AGBL4: variants seen among roughly 807,000 people sequenced by gnomAD.
The protein encoded by AGBL4 is AGBL carboxypeptidase 4, also known as cytosolic carboxypeptidase 6.
A neutral mutation model predicts 66.4 loss-of-function variants in AGBL4; 58 were observed. The ratio of observed to expected loss-of-function variants is 0.87; its 90% confidence interval spans 0.71 to 1.09. The LOEUF is 1.09. AGBL4 is among the 50% of genes least tolerant of loss of function. The pLI is 0.00. For missense variants in AGBL4, 579 were observed against 631.0 expected, an observed-to-expected ratio of 0.92 and a Z score of 0.88; for synonymous variants, 234 against 222.9, an observed-to-expected ratio of 1.05 and a Z score of -0.44.
intron 4 of AGBL4, among the ~76,000 whole-genome samples, chr1:49,124,568 G>A (rs114100669): frequency 6.6e-6 from 1 of 152,140 alleles, no homozygotes. Flanking sequence ...ACAGGATCTG[G>A]ATTTGAAACC....
chr1:49,347,674 A>G (rs912010934), intron 3 of AGBL4, among the ~76,000 whole-genome samples: 1 of 151,626 alleles, frequency 6.6e-6, no homozygotes, highest in South Asian at 2.1e-4. Flanking sequence ...CCCGGCCAAC[A>G]TGGTGAAGCC....
chr1:49,263,950 A>C (rs1247233802), intron 3 of AGBL4, among the ~76,000 whole-genome samples: 5 of 152,220 alleles, frequency 3.3e-5, no homozygotes, highest in Admixed American at 2.6e-4. Flanking sequence ...TTGAGCATTT[A>C]AAATGAATGC....
In AGBL4 at chr1:49,391,171, G is replaced by A. The variant is rs373578587; in HGVS notation, c.283-145307C>T. The stretch of plus-strand genomic sequence containing the variant: ...AGCACAGTTGTAGCATACAATCAGC[G>A]TGAGAGATTGATCAGAAATGAGAAT... On this transcript the variant is annotated intron_variant, in intron 3 of 13. Coordinates refer to ENST00000371839, the MANE Select transcript of AGBL4 (RefSeq NM_032785.4). 3.9e-4 allele frequency among the ~76,000 whole-genome samples: 60 copies of A among 152,312 alleles called. 1 individual carries two copies. In the South Asian group the frequency reaches 1.0e-2, roughly 25 times the overall value.
rs564980432 is a variant in AGBL4, at chr1:49,747,166, T to C, written c.158-49729A>G. Among the ~76,000 whole-genome samples, 17 of 152,278 alleles carry C rather than the reference T, an allele frequency of 1.1e-4. No homozygotes were observed. In the South Asian group the frequency reaches 2.5e-3, roughly 22 times the overall value. On this transcript the variant is annotated intron_variant, in intron 2 of 13. Transcript: ENST00000371839. Reference sequence around the variant, plus strand: ...GATTCAGGAATAAATTAATATGATATTTTATTTTCACCTTCATATCAAGGA... The same window carrying C: ...GATTCAGGAATAAATTAATATGATACTTTATTTTCACCTTCATATCAAGGA...
At chr1:48,801,650 G>C (rs1645811401) in intron 6 of AGBL4, among the ~76,000 whole-genome samples, 1 of 152,204 alleles carries the variant, frequency 6.6e-6, no homozygotes, top group Non-Finnish European at 1.5e-5. Flanking sequence ...CAGTGGGGAT[G>C]TGTGTTTATA....
At chr1:49,118,193 T>C (rs916980246) in intron 4 of AGBL4, among the ~76,000 whole-genome samples, 18 of 152,192 alleles carry the variant, frequency 1.2e-4, no homozygotes, top group Admixed American at 6.5e-5. Context: ...CTTTTCCTAA[T>C]TGCATACCCT....
intron 3 of AGBL4, among the ~76,000 whole-genome samples, chr1:49,641,848 C>T (rs1486550486): frequency 6.6e-6 from 1 of 152,028 alleles, no homozygotes; most frequent in East Asian, 1.9e-4. Flanking sequence ...TAATTTAACA[C>T]TAACAAGCAC....
intron 3 of AGBL4, among the ~76,000 whole-genome samples, chr1:49,335,552 G>T (rs1645417290): frequency 6.6e-6 from 1 of 150,780 alleles, no homozygotes; most frequent in Non-Finnish European, 1.5e-5. Context: ...GTCTCGCTCT[G>T]TTGCCCAGCC....
intron 3 of AGBL4, among the ~76,000 whole-genome samples, chr1:49,453,993 C>T (rs1032856940): frequency 3.3e-5 from 5 of 151,604 alleles, no homozygotes; most frequent in South Asian, 4.2e-4. Flanking sequence ...AAAATTTATC[C>T]GGAGCTATTT....
rs1339756077 is a variant in AGBL4, at chr1:49,245,369, CATAATCTATGCTTAGGCTAGGAAAAA to C, written c.377+375_377+400del. On this transcript the variant is annotated intron_variant, in intron 4 of 13. Transcript: ENST00000371839. ...CCTAATGTCCTCCTAAGTTACTAAACATAATCTATGCTTAGGCTAGGAAAAAAAAAAAGAACCAACTTTATTTATGT... is the reference window on the plus strand; with the variant it reads ...CCTAATGTCCTCCTAAGTTACTAAACAAAAAAGAACCAACTTTATTTATGT... Among the ~76,000 whole-genome samples, 5 of 150,230 alleles carry C rather than the reference CATAATCTATGCTTAGGCTAGGAAAAA, an allele frequency of 3.3e-5. No homozygotes were observed. In the East Asian group the frequency reaches 9.8e-4, roughly 29 times the overall value.
intron 1 of AGBL4, among the ~76,000 whole-genome samples, chr1:50,012,114 G>A (rs1661585623): frequency 6.6e-6 from 1 of 150,582 alleles, no homozygotes; most frequent in Admixed American, 6.6e-5. Context: ...AGCGGAGATT[G>A]CGCCACTGCA....
chr1:49,660,812 G>C (rs1646254589), intron 3 of AGBL4, among the ~76,000 whole-genome samples: 1 of 152,136 alleles, frequency 6.6e-6, no homozygotes, highest in Non-Finnish European at 1.5e-5. Context: ...GGACATGGAT[G>C]GAGCTGGAAG....
chr1:48,586,601 T>G, intron 11 of AGBL4: 1 of 194,966 alleles, frequency 5.1e-6, no homozygotes, highest in Non-Finnish European at 1.1e-5. Flanking sequence ...CATATGTTTT[T>G]GTATGTTCAG....
At position 49,860,505 on chromosome 1, in the gene AGBL4, C is replaced by T. The variant is rs139108049; in HGVS notation, c.35-8987G>A. Among the ~76,000 whole-genome samples the T allele has an allele frequency of 6.5e-3, 984 of 152,232 alleles. 3 individuals carry two copies. Among genetic ancestry groups the T allele is most frequent in the Non-Finnish European group, 0.011 (716 of 68,024 alleles). On this transcript the variant is annotated intron_variant, in intron 1 of 13. Transcript: ENST00000371839. The stretch of plus-strand genomic sequence containing the variant: ...TTCAGCCCAGAAGTTTGAGACCAGC[C>T]CAGGCAACATAGCAAAACTGCATCT...
intron 3 of AGBL4, among the ~76,000 whole-genome samples, chr1:49,695,620 T>C (rs1259931000): frequency 6.6e-6 from 1 of 151,934 alleles, no homozygotes; most frequent in Non-Finnish European, 1.5e-5. Context: ...GGAGAGTAAA[T>C]AAAACCAAAA....
chr1:49,630,912 C>A (rs1645558094), intron 3 of AGBL4, among the ~76,000 whole-genome samples: 1 of 152,126 alleles, frequency 6.6e-6, no homozygotes, highest in South Asian at 2.1e-4. Flanking sequence ...CTAGTTATAA[C>A]CTGGTAGAGG....
At chr1:49,847,713 T>C (rs2148054953) in intron 2 of AGBL4, among the ~76,000 whole-genome samples, 1 of 152,032 alleles carries the variant, frequency 6.6e-6, no homozygotes, top group South Asian at 2.1e-4. Context: ...TTGTTTTTTT[T>C]TTTTTTGAGA....
In AGBL4 at chr1:49,978,568, T is replaced by C. The variant is rs142183766; in HGVS notation, c.34+45195A>G. Among the ~76,000 whole-genome samples the C allele has an allele frequency of 6.9e-3, 1,051 of 152,294 alleles. 11 individuals are homozygous for C. Among genetic ancestry groups the C allele is most frequent in the African/African-American group, 0.024 (978 of 41,574 alleles). On this transcript the variant is annotated intron_variant, in intron 1 of 13. Transcript: ENST00000371839. ...TACAGTAGTTATAGTATATCCAAAC[T>C]GTAGAGAACATTCAGTCATAAACAT...
At chr1:49,250,356 G>A (rs2148335899) in intron 3 of AGBL4, among the ~76,000 whole-genome samples, 1 of 152,002 alleles carries the variant, frequency 6.6e-6, no homozygotes, top group Admixed American at 6.6e-5. Context: ...TAGAGGCAAG[G>A]AACTGAGAGT....
Sources: allele counts gnomAD v4.1 joint callset (sites outside exome capture counted in the v4.1 genomes callset), GRCh38; gene constraint gnomAD v4.1.1; transcripts MANE v1.5; gene names NCBI Gene and HGNC (gene_info 2026-07-23, HGNC 2026-07-21).